Variants in CCDC102B observed in about 807,000 individuals in gnomAD.
The protein encoded by CCDC102B is coiled-coil domain containing 102B, also known as coiled-coil domain-containing protein 102B.
In CCDC102B, 75 loss-of-function variants were observed where a neutral mutation model predicts 57.4. The ratio of observed to expected loss-of-function variants is 1.31; its 90% CI spans 1.08 to 1.58. The LOEUF is 1.58. CCDC102B is among the 40% of genes most tolerant of loss of function. The probability of loss-of-function intolerance (pLI) is 0.00; values close to 1 mark genes in which losing one functional copy is unlikely to be tolerated. For synonymous variants in CCDC102B, 206 were observed against 201.9 expected, an observed-to-expected ratio of 1.02 and a Z score of -0.17; for missense variants, 636 against 582.6, an observed-to-expected ratio of 1.09 and a Z score of -0.94.
At chr18:68,838,412 G>C in intron 2 of CCDC102B, 2 of 985,212 alleles carry the variant, frequency 2.0e-6, no homozygotes, top group Non-Finnish European at 2.4e-6. Flanking sequence ...ATTTACAGCT[G>C]TTCAAGTTTG....
At chr18:68,988,233 G>C (rs1226329768) in intron 6 of CCDC102B, among the ~76,000 whole-genome samples, 1 of 152,042 alleles carries the variant, frequency 6.6e-6, no homozygotes, top group Non-Finnish European at 1.5e-5. Context: ...AAAAAAACAT[G>C]TTTTTTGCAG....
At chr18:68,857,293 TTATATATATAATATATATTTATATATTA>T (rs2038497531) in intron 4 of CCDC102B, among the ~76,000 whole-genome samples, 2 of 4,564 alleles carry the variant, frequency 4.4e-4, no homozygotes, top group African/African-American at 8.9e-4. Context: ...TATTTATATA[TTATATATATAATATATATTTATATATTA>T]TATATATAAA....
intron 6 of CCDC102B, among the ~76,000 whole-genome samples, chr18:68,905,379 T>C (rs1460122148): frequency 6.7e-6 from 1 of 150,316 alleles, no homozygotes; most frequent in African/African-American, 2.5e-5. Flanking sequence ...AAAACACTAT[T>C]GTTACAAAGA....
At chr18:68,805,203 C>A (rs1332293788) in intron 1 of CCDC102B, among the ~76,000 whole-genome samples, 1 of 152,030 alleles carries the variant, frequency 6.6e-6, no homozygotes, top group East Asian at 1.9e-4. Context: ...TAAGGCAGAG[C>A]TGAATAAGAT....
intron 6 of CCDC102B, among the ~76,000 whole-genome samples, chr18:68,983,645 A>G (rs575221483): frequency 8.5e-5 from 13 of 152,136 alleles, no homozygotes; most frequent in Admixed American, 3.3e-4. Context: ...AAAAATATTT[A>G]TGGAGGTATC....
At chr18:68,764,587 T>C (rs2034362948) in intron 2 of CCDC102B, among the ~76,000 whole-genome samples, 2 of 152,178 alleles carry the variant, frequency 1.3e-5, no homozygotes, top group African/African-American at 4.8e-5. Context: ...ACCACCAGGC[T>C]AGCAAATTCT....
At chr18:68,890,702 A>G (rs1022514260) in intron 5 of CCDC102B, among the ~76,000 whole-genome samples, 20 of 152,140 alleles carry the variant, frequency 1.3e-4, no homozygotes, top group Non-Finnish European at 2.9e-5. Flanking sequence ...TATAGGCCAT[A>G]AATATTCTAT....
intron 6 of CCDC102B, among the ~76,000 whole-genome samples, chr18:69,002,766 C>G (rs1388444211): frequency 6.6e-6 from 1 of 152,162 alleles, no homozygotes; most frequent in African/African-American, 2.4e-5. Flanking sequence ...GTATACTTCA[C>G]TGTCTCAATG....
intron 7 of CCDC102B, among the ~76,000 whole-genome samples, chr18:69,013,147 G>A (rs546912751): frequency 2.5e-4 from 38 of 152,218 alleles, no homozygotes; most frequent in Admixed American, 4.6e-4. Flanking sequence ...CAGTGGAGGA[G>A]TGGATTAAAA....
At chr18:68,873,775 A>G (rs141429407) in intron 4 of CCDC102B, among the ~76,000 whole-genome samples, 2 of 152,158 alleles carry the variant, frequency 1.3e-5, no homozygotes, top group East Asian at 3.9e-4. Flanking sequence ...TTAATTTGTT[A>G]TAAGTTGCAT....
In CCDC102B at chr18:68,915,730, CATTATTTCCG is replaced by C. The variant is rs139103691; in HGVS notation, c.1263+18305_1263+18314del. On this transcript the variant is annotated intron_variant, in intron 6 of 7. Transcript: ENST00000360242. The stretch of plus-strand genomic sequence containing the variant: ...AATACCATATGAGGAATGCCTCTCT[CATTATTTCCG>C]ATAAGATGTGTCTTATCCACTTTTT... Among the ~76,000 whole-genome samples, 4 of 152,292 alleles carry C rather than the reference CATTATTTCCG, an allele frequency of 2.6e-5. No individual in the cohort carries two copies. The East Asian group carries it at 7.7e-4, about 29-fold the overall frequency.
chr18:69,027,520 A>G (rs1368054050), intron 7 of CCDC102B, among the ~76,000 whole-genome samples: 1 of 152,170 alleles, frequency 6.6e-6, no homozygotes, highest in Non-Finnish European at 1.5e-5. Flanking sequence ...TGATGGATTT[A>G]TATGCTATGT....
chr18:68,767,511 C>T (rs528867127), intron 2 of CCDC102B, among the ~76,000 whole-genome samples: 1 of 152,334 alleles, frequency 6.6e-6, no homozygotes, highest in South Asian at 2.1e-4. Flanking sequence ...TTAAGCTTTC[C>T]AGTCAGTGGT....
At chr18:68,992,188 G>A (rs2050887999) in intron 6 of CCDC102B, among the ~76,000 whole-genome samples, 1 of 152,102 alleles carries the variant, frequency 6.6e-6, no homozygotes, top group Admixed American at 6.5e-5. Context: ...CTTGGGAAGG[G>A]AGTTTGGACT....
chr18:69,052,857 A>C (rs577276812), intron 7 of CCDC102B, among the ~76,000 whole-genome samples: 6 of 152,040 alleles, frequency 3.9e-5, no homozygotes, highest in African/African-American at 1.4e-4. Context: ...ACAACACAAT[A>C]TAACAACTAG....
At chr18:68,853,193 A>G (rs899150293) in intron 4 of CCDC102B, among the ~76,000 whole-genome samples, 5 of 152,230 alleles carry the variant, frequency 3.3e-5, no homozygotes, top group African/African-American at 9.6e-5. Context: ...TTTGTAGTCA[A>G]TATGAAAGTT....
chr18:68,911,441 G>A (rs2040842336), intron 6 of CCDC102B, among the ~76,000 whole-genome samples: 1 of 152,024 alleles, frequency 6.6e-6, no homozygotes, highest in Non-Finnish European at 1.5e-5. Context: ...CAGGAGGGTG[G>A]TGGGTGGGAG....
intron 4 of CCDC102B, among the ~76,000 whole-genome samples, chr18:68,857,293 T>TAAA (rs1555714715): frequency 0.15 from 703 of 4,536 alleles, 103 homozygotes; most frequent in African/African-American, 0.22. Flanking sequence ...TATTTATATA[T>TAAA]TATATATATA....
chr18:68,923,079 T>C (rs4274518), intron 6 of CCDC102B, among the ~76,000 whole-genome samples: 150,659 of 152,074 alleles, frequency 0.99, 74,655 homozygotes, highest in East Asian at 1. Flanking sequence ...CTCCTTTATA[T>C]TATACTGCCT....
Sources: allele counts gnomAD v4.1 joint callset (sites outside exome capture counted in the v4.1 genomes callset), GRCh38; gene constraint gnomAD v4.1.1; transcripts MANE v1.5; gene names NCBI Gene and HGNC (gene_info 2026-07-23, HGNC 2026-07-21).